GDNF: variants seen among roughly 807,000 people sequenced by gnomAD.
The protein encoded by GDNF is glial cell derived neurotrophic factor.
A neutral mutation model predicts 13.7 loss-of-function variants in GDNF; 5 were observed. That is an observed-to-expected ratio of 0.36 (90% CI 0.19 to 0.77). GDNF has a LOEUF of 0.77. GDNF is among the 30% of genes least tolerant of loss of function. GDNF has a pLI of 0.51. For synonymous variants in GDNF, 122 were observed against 112.5 expected, an observed-to-expected ratio of 1.08 and a Z score of -0.53; for missense variants, 246 against 274.3, an observed-to-expected ratio of 0.90 and a Z score of 0.73.
intron 2 of GDNF, among the ~76,000 whole-genome samples, chr5:37,828,937 C>T (rs115943910): frequency 1.4e-3 from 215 of 152,382 alleles, no homozygotes; most frequent in African/African-American, 4.8e-3. Context: ...GACATGCTTA[C>T]GGCATAGGCC....
intron 2 of GDNF, among the ~76,000 whole-genome samples, chr5:37,822,751 C>A (rs576529607): frequency 6.6e-6 from 1 of 152,034 alleles, no homozygotes; most frequent in South Asian, 2.1e-4. Context: ...CATACACATG[C>A]GTGCATACAT....
At position 37,822,941 on chromosome 5, in the gene GDNF, C is replaced by T. The variant is rs574485826; in HGVS notation, c.152-6806G>A. Among the ~76,000 whole-genome samples the T allele has an allele frequency of 5.3e-5, 8 of 152,278 alleles. No homozygotes were observed. In the East Asian group the frequency reaches 7.7e-4, roughly 15 times the overall value. On this transcript the variant is annotated intron_variant, in intron 2 of 2. Transcript: ENST00000326524. ...TTTCACTAATATTGGAATATCATTA[C>T]AAGAACTACATGGCTGAGTTTAACC...
intron 2 of GDNF, among the ~76,000 whole-genome samples, chr5:37,828,133 G>A (rs1015363383): frequency 1.3e-5 from 2 of 152,090 alleles, no homozygotes; most frequent in Non-Finnish European, 2.9e-5. Context: ...TCTGGCACTC[G>A]TGCAGTCACA....
intron 2 of GDNF, among the ~76,000 whole-genome samples, chr5:37,828,253 G>A (rs13170754): frequency 0.35 from 52,818 of 152,050 alleles, 9,745 homozygotes; most frequent in Middle Eastern, 0.44. Flanking sequence ...AAGCACTTGA[G>A]GAGACCTTGC....
At chr5:37,829,185 C>G (rs984027174) in intron 2 of GDNF, among the ~76,000 whole-genome samples, 2 of 152,222 alleles carry the variant, frequency 1.3e-5, no homozygotes, top group Non-Finnish European at 2.9e-5. Flanking sequence ...GTCTGTCCTC[C>G]TCTTTGTTCC....
At position 37,834,728 on chromosome 5, in the gene GDNF, G is replaced by C. The variant is rs778217769; in HGVS notation, c.69C>G (p.Pro23=). 1 of 1,611,836 alleles carries C rather than the reference G, an allele frequency of 6.2e-7. No homozygotes were observed. The highest frequency in any genetic ancestry group is 8.5e-7 in the Non-Finnish European group (1 of 1,179,276). ...GCGCCTCGGGAGGCCTCTTACCGGC[G>C]GGCAGCGGGAAGGCGGACGCGGTGT... ...LLHTASAFPL[P]AGKRPPEAPA... Residue 23 remains proline, a synonymous_variant, in exon 2 of 3, where the codon CCC becomes CCG. Coordinates refer to ENST00000326524, the MANE Select transcript of GDNF (RefSeq NM_000514.4).
In GDNF at chr5:37,815,952, C is replaced by G; in HGVS notation, c.335G>C (p.Arg112Thr). 1.2e-6 allele frequency: 2 copies of G among 1,614,146 alleles called. No individual in the cohort carries two copies. The highest frequency in any genetic ancestry group is 1.7e-6 in the Non-Finnish European group (2 of 1,180,008). Residue 112 changes from arginine to threonine, a missense_variant, in exon 3 of 3, where the codon AGG becomes ACG. Physicochemically the swap from Arg to Thr is moderately conservative, Grantham distance 71. Transcript: ENST00000326524. This position sits in a 1 kb window ranked among gnomAD's most constrained non-coding sequence, Gnocchi z 5.0. ...NSRGKGRRGQRGKNRGCVLTA... is the reference protein window; with the variant it reads ...NSRGKGRRGQTGKNRGCVLTA... ...TAAGACACAACCCCGGTTTTTGCCC[C>G]TCTGGCCTCTCCGACCTTTTCCTCT...
intron 1 of GDNF, 55 bp from the exon 2 acceptor site, chr5:37,834,877 G>C: frequency 6.5e-7 from 1 of 1,533,288 alleles, no homozygotes; most frequent in South Asian, 1.1e-5. Context: ...CGTTAAGCCT[G>C]GGCTCCCTGC....
intron 2 of GDNF, among the ~76,000 whole-genome samples, chr5:37,829,939 T>C (rs1427347683): frequency 2.6e-5 from 4 of 152,212 alleles, no homozygotes; most frequent in African/African-American, 9.7e-5. Flanking sequence ...AAGAGACCCA[T>C]CCCAAGTGGC....
At chr5:37,823,765 C>A (rs1467461190) in intron 2 of GDNF, among the ~76,000 whole-genome samples, 1 of 152,210 alleles carries the variant, frequency 6.6e-6, no homozygotes, top group African/African-American at 2.4e-5. Flanking sequence ...GTCACTTAAC[C>A]CTTCTGAGGT....
chr5:37,824,172 T>A, intron 2 of GDNF: 1 of 298,010 alleles, frequency 3.4e-6, no homozygotes. Flanking sequence ...AAGGCATTCT[T>A]AAACTTCAGT....
intron 2 of GDNF, among the ~76,000 whole-genome samples, chr5:37,816,675 C>T (rs1375822334): frequency 2.0e-5 from 3 of 152,184 alleles, no homozygotes; most frequent in East Asian, 3.9e-4. Flanking sequence ...CAAAGATCCA[C>T]GCACTAAACT....
intron 1 of GDNF, chr5:37,835,809 C>G (rs1750684269): frequency 1.4e-6 from 1 of 715,304 alleles, no homozygotes; most frequent in South Asian, 1.6e-5. Context: ...ACGACTGTAC[C>G]CAGTCTCGGA....
At chr5:37,819,444 CTTTT>C (rs529362873) in intron 2 of GDNF, among the ~76,000 whole-genome samples, 4 of 126,204 alleles carry the variant, frequency 3.2e-5, no homozygotes, top group Non-Finnish European at 1.6e-5. Flanking sequence ...GTGCTCTTTT[CTTTT>C]TTTTTTTTTT....
chr5:37,825,660 T>C (rs941622970), intron 2 of GDNF, among the ~76,000 whole-genome samples: 1 of 151,546 alleles, frequency 6.6e-6, no homozygotes, highest in Non-Finnish European at 1.5e-5. Context: ...GGTGGTGGAG[T>C]CTCTCCTTTC....
intron 2 of GDNF, among the ~76,000 whole-genome samples, chr5:37,819,610 A>G (rs2973048): frequency 0.68 from 102,355 of 151,398 alleles, 34,726 homozygotes; most frequent in African/African-American, 0.73. Context: ...CCGCCATCAC[A>G]CCCGGCTAAT....
chr5:37,836,178 C>T (rs894410952), intron 1 of GDNF, among the ~76,000 whole-genome samples: 2 of 150,848 alleles, frequency 1.3e-5, no homozygotes, highest in Non-Finnish European at 2.9e-5. Context: ...CTCCATAAAA[C>T]GGTTCTTAGG....
chr5:37,824,209 C>T (rs561945220), intron 2 of GDNF: 3 of 173,452 alleles, frequency 1.7e-5, no homozygotes, highest in African/African-American at 7.1e-5. Flanking sequence ...AGAGATGGGC[C>T]CCATGACCCC....
chr5:37,824,192 TAAAA>T, intron 2 of GDNF: 1 of 219,718 alleles, frequency 4.6e-6, no homozygotes, highest in Non-Finnish European at 7.7e-6. Context: ...TTTCCATCTG[TAAAA>T]ATAGAGATGG....
Sources: gnomAD v4.1 joint callset for allele counts (sites outside exome capture counted in the v4.1 genomes callset) on GRCh38, gnomAD v4.1.1 for gene constraint, Gnocchi (gnomAD v3.1) non-coding constraint, MANE v1.5 for transcripts, NCBI Gene and HGNC (gene_info 2026-07-23, HGNC 2026-07-21) for gene names.